THRB: variants seen among roughly 807,000 people sequenced by gnomAD.
The protein encoded by THRB is nuclear receptor subfamily 1 group A member 2.
Under a neutral mutation model 47.8 loss-of-function variants are expected in THRB, and 12 were observed. That is an observed-to-expected ratio of 0.25 (90% confidence interval 0.16 to 0.41). THRB has a LOEUF of 0.41. Among genes scored for constraint, THRB ranks in the 10% least tolerant of loss-of-function variants. The pLI is 1.00. For synonymous variants in THRB, 218 were observed against 212.2 expected (o/e 1.03, Z -0.24); for missense variants, 348 against 589.2 (o/e 0.59, Z 4.24).
intron 1 of THRB, among the ~76,000 whole-genome samples, chr3:24,337,596 C>A (rs998329985): frequency 4.6e-5 from 7 of 152,186 alleles, no homozygotes; most frequent in Non-Finnish European, 1.0e-4. Context: ...GAACACATTA[C>A]AGGCATGGGA....
At chr3:24,354,900 T>TAAAC (rs752379286) in intron 1 of THRB, among the ~76,000 whole-genome samples, 12 of 151,502 alleles carry the variant, frequency 7.9e-5, no homozygotes, top group South Asian at 2.1e-4. Context: ...AACACATGAG[T>TAAAC]AAACAAACAA....
intron 3 of THRB, among the ~76,000 whole-genome samples, chr3:24,278,354 A>C (rs2054156178): frequency 6.6e-6 from 1 of 152,172 alleles, no homozygotes; most frequent in Non-Finnish European, 1.5e-5. Flanking sequence ...AATTGGTAAG[A>C]CTTGCTGAGA....
intron 1 of THRB, among the ~76,000 whole-genome samples, chr3:24,460,478 C>A (rs56268811): frequency 6.6e-6 from 1 of 152,128 alleles, no homozygotes; most frequent in African/African-American, 2.4e-5. Flanking sequence ...AACCAGATTT[C>A]TTTGTATTTC....
chr3:24,365,478 C>T (rs919148546), intron 1 of THRB, among the ~76,000 whole-genome samples: 3 of 152,108 alleles, frequency 2.0e-5, no homozygotes, highest in Non-Finnish European at 2.9e-5. Context: ...ATAAGGTCCC[C>T]GGGCAGTTCA....
chr3:24,163,167 G>C (rs77624520), intron 5 of THRB, among the ~76,000 whole-genome samples: 4,805 of 152,246 alleles, frequency 0.032, 167 homozygotes, highest in African/African-American at 0.081. Context: ...TTTGTCCTAA[G>C]AGACAGTTAA....
rs114574932 is a variant in THRB, at chr3:24,197,233, T to G, written c.23-6899A>C. On this transcript the variant is annotated intron_variant, in intron 4 of 10. Coordinates refer to ENST00000646209, the MANE Select transcript of THRB (RefSeq NM_001354712.2). Reference sequence around the variant, plus strand: ...ACTGGTCTGCTAGGAGGACTCATCATTACAAGCAATTCAATATGGACTACC... The same window carrying G: ...ACTGGTCTGCTAGGAGGACTCATCAGTACAAGCAATTCAATATGGACTACC... 9.2e-3 allele frequency among the ~76,000 whole-genome samples: 1,402 copies of G among 152,338 alleles called. 29 individuals are homozygous for G. Among genetic ancestry groups the G allele is most frequent in the African/African-American group, 0.032 (1,326 of 41,568 alleles).
chr3:24,465,926 TC>T (rs1416675085), intron 1 of THRB, among the ~76,000 whole-genome samples: 2 of 152,192 alleles, frequency 1.3e-5, no homozygotes, highest in Non-Finnish European at 2.9e-5. Context: ...AGAACTACTC[TC>T]CCATCTCCCC....
chr3:24,138,893 C>A (rs2035056550), intron 8 of THRB, among the ~76,000 whole-genome samples: 1 of 152,128 alleles, frequency 6.6e-6, no homozygotes, highest in African/African-American at 2.4e-5. Flanking sequence ...GACATTCACC[C>A]AAAGCTACAA....
intron 5 of THRB, among the ~76,000 whole-genome samples, chr3:24,175,694 T>C (rs1485486121): frequency 2.7e-4 from 41 of 152,216 alleles, no homozygotes; most frequent in Admixed American, 2.7e-3. Context: ...TATAGTCTGA[T>C]GTGGCTTGAA....
intron 1 of THRB, among the ~76,000 whole-genome samples, chr3:24,443,833 G>A (rs1359562569): frequency 1.3e-5 from 2 of 152,070 alleles, no homozygotes; most frequent in Non-Finnish European, 2.9e-5. Flanking sequence ...ATATTACAGA[G>A]TAAGAGACTG....
At position 24,452,012 on chromosome 3, in the gene THRB, A is replaced by G. The variant is rs185513571; in HGVS notation, c.-261+42640T>C. Among the ~76,000 whole-genome samples, 623 of 152,258 alleles carry G rather than the reference A, an allele frequency of 4.1e-3. 6 individuals are homozygous for G. Among genetic ancestry groups the G allele is most frequent in the African/African-American group, 0.015 (604 of 41,554 alleles). ...TCACAGGTGTTAGAATACATTCTGA[A>G]GTCTTTAGCATTTAGAGATGACTAG... is the stretch of plus-strand genomic sequence containing the variant. On this transcript the variant is annotated intron_variant, in intron 1 of 10. Transcript: ENST00000646209.
chr3:24,152,480 G>A lies in THRB; in HGVS notation c.294C>T (p.Pro98=). 2 of 1,570,306 alleles carry A rather than the reference G, an allele frequency of 1.3e-6. No individual in the cohort carries two copies. The highest frequency in any genetic ancestry group is 1.8e-6 in the Non-Finnish European group (2 of 1,140,354). Residue 98 remains proline (P), a synonymous_variant, in exon 6 of 11, where the codon CCC becomes CCT. Transcript: ENST00000646209. ...TEEKKCKGYI[P]SYLDKDELCV... ...AGAGCTCGTCCTTGTCTAAGTAACT[G>A]GGGATGTACCCTGTGAAGGAAATAA...
intron 5 of THRB, among the ~76,000 whole-genome samples, chr3:24,161,988 C>G (rs183917756): frequency 2.0e-5 from 3 of 152,060 alleles, no homozygotes; most frequent in African/African-American, 7.3e-5. Context: ...GGAGGAGAGT[C>G]GCCCAGGGCA....
intron 1 of THRB, among the ~76,000 whole-genome samples, chr3:24,353,644 G>C (rs952346627): frequency 3.9e-5 from 6 of 152,030 alleles, no homozygotes; most frequent in Admixed American, 2.0e-4. Flanking sequence ...AGGTTAATCT[G>C]TTTTATCATT....
intron 3 of THRB, among the ~76,000 whole-genome samples, chr3:24,283,602 G>A (rs2054877350): frequency 6.8e-6 from 1 of 147,996 alleles, no homozygotes; most frequent in Non-Finnish European, 1.5e-5. Context: ...GGCAGGAGAA[G>A]GAAATAAAGG....
chr3:24,198,165 AG>A (rs1005404120), intron 4 of THRB, among the ~76,000 whole-genome samples: 3 of 152,220 alleles, frequency 2.0e-5, no homozygotes, highest in African/African-American at 7.2e-5. Context: ...AGGTCTCTGC[AG>A]GAACTCTGCC....
At chr3:24,311,211 A>C (rs1299970976) in intron 2 of THRB, among the ~76,000 whole-genome samples, 1 of 152,192 alleles carries the variant, frequency 6.6e-6, no homozygotes, top group Non-Finnish European at 1.5e-5. Flanking sequence ...ACTTTGTCCA[A>C]AGTAGATAGA....
chr3:24,360,703 T>C (rs1269994361), intron 1 of THRB, among the ~76,000 whole-genome samples: 1 of 152,146 alleles, frequency 6.6e-6, no homozygotes, highest in Non-Finnish European at 1.5e-5. Context: ...TTAAGAACCA[T>C]TGTTTTATAT....
chr3:24,294,233 G>T (rs2056243193), intron 3 of THRB, among the ~76,000 whole-genome samples: 1 of 152,234 alleles, frequency 6.6e-6, no homozygotes, highest in African/African-American at 2.4e-5. Context: ...ACCACGTGAA[G>T]AAAGTTAGAT....
Sources: allele counts gnomAD v4.1 joint callset (sites outside exome capture counted in the v4.1 genomes callset), GRCh38; gene constraint gnomAD v4.1.1; transcripts MANE v1.5; gene names NCBI Gene and HGNC (gene_info 2026-07-23, HGNC 2026-07-21).